RALYL: variants seen among roughly 807,000 people sequenced by gnomAD.
RALYL encodes the protein RNA-binding Raly-like protein.
In RALYL, 29 loss-of-function variants were observed where a neutral mutation model predicts 35.1. The ratio of observed to expected loss-of-function variants is 0.83; its 90% confidence interval spans 0.61 to 1.13. The LOEUF is 1.13. RALYL is among the 50% of genes most tolerant of loss of function. RALYL has a pLI of 0.00. For synonymous variants in RALYL, 120 were observed against 127.6 expected, an observed-to-expected ratio of 0.94 and a Z score of 0.40; for missense variants, 359 against 360.4, an observed-to-expected ratio of 1.00 and a Z score of 0.03.
At chr8:84,605,444 G>C (rs898566825) in intron 2 of RALYL, among the ~76,000 whole-genome samples, 10 of 152,090 alleles carry the variant, frequency 6.6e-5, no homozygotes, top group South Asian at 2.1e-4. Flanking sequence ...ACCACCACCA[G>C]CAGCAGATTC....
chr8:84,875,813 G>C (rs1266069149), intron 7 of RALYL, among the ~76,000 whole-genome samples: 1 of 152,054 alleles, frequency 6.6e-6, no homozygotes, highest in Non-Finnish European at 1.5e-5. Context: ...TCATTACAAT[G>C]CTTAATTAGT....
chr8:84,497,895 C>G (rs2056237454), intron 1 of RALYL, among the ~76,000 whole-genome samples: 1 of 151,496 alleles, frequency 6.6e-6, no homozygotes, highest in Admixed American at 6.6e-5. Context: ...CTCACCTCAG[C>G]CTGCCAAAGT....
intron 3 of RALYL, among the ~76,000 whole-genome samples, chr8:84,801,236 C>CAGA (rs947946797): frequency 1.1e-4 from 16 of 152,138 alleles, no homozygotes; most frequent in Non-Finnish European, 2.2e-4. Flanking sequence ...TATTTCACCA[C>CAGA]AGAAGACACT....
At chr8:84,256,363 C>CCTAG (rs5892908) in intron 1 of RALYL, among the ~76,000 whole-genome samples, 2 of 151,496 alleles carry the variant, frequency 1.3e-5, no homozygotes, top group Non-Finnish European at 2.9e-5. Flanking sequence ...TATTTTGCTA[C>CCTAG]CTATTTTCAT....
At chr8:84,207,685 T>C (rs1398520226) in intron 1 of RALYL, among the ~76,000 whole-genome samples, 1 of 151,920 alleles carries the variant, frequency 6.6e-6, no homozygotes, top group East Asian at 1.9e-4. Context: ...TATCAGATAC[T>C]TGAAATTTGC....
At chr8:84,696,630 T>C (rs1010986137) in intron 2 of RALYL, among the ~76,000 whole-genome samples, 3 of 151,976 alleles carry the variant, frequency 2.0e-5, no homozygotes, top group Admixed American at 2.0e-4. Flanking sequence ...TAATACAAGA[T>C]TTTGTGTTTG....
chr8:84,218,781 G>A (rs552233611), intron 1 of RALYL, among the ~76,000 whole-genome samples: 16 of 152,116 alleles, frequency 1.1e-4, no homozygotes, highest in African/African-American at 3.9e-4. Flanking sequence ...AGCCCTGAGG[G>A]CATATGATAA....
intron 1 of RALYL, among the ~76,000 whole-genome samples, chr8:84,451,720 C>T (rs1055703680): frequency 6.6e-6 from 1 of 151,906 alleles, no homozygotes; most frequent in East Asian, 1.9e-4. Flanking sequence ...GTTTTGCCAT[C>T]CCTAACAGAT....
At chr8:84,712,323 A>G (rs1187962199) in intron 2 of RALYL, among the ~76,000 whole-genome samples, 1 of 152,146 alleles carries the variant, frequency 6.6e-6, no homozygotes, top group African/African-American at 2.4e-5. Flanking sequence ...AGGCTGACTG[A>G]TAACACCCCG....
intron 1 of RALYL, among the ~76,000 whole-genome samples, chr8:84,469,411 G>T (rs2133636622): frequency 6.6e-6 from 1 of 152,290 alleles, no homozygotes. Flanking sequence ...CGTGTGAGGT[G>T]TCAGTGTGCC....
intron 2 of RALYL, chr8:84,706,130 C>A: frequency 7.4e-7 from 1 of 1,354,800 alleles, no homozygotes; most frequent in Non-Finnish European, 1.0e-6. Flanking sequence ...TCTTAAAAGA[C>A]TAATCATGAC....
At chr8:84,467,442 G>C (rs1434506162) in intron 1 of RALYL, among the ~76,000 whole-genome samples, 1 of 130,976 alleles carries the variant, frequency 7.6e-6, no homozygotes, top group Non-Finnish European at 1.7e-5. Flanking sequence ...TTTCCATGTA[G>C]TTGAGCAGCT....
At chr8:84,415,393 C>T (rs967663156) in intron 1 of RALYL, among the ~76,000 whole-genome samples, 53 of 152,062 alleles carry the variant, frequency 3.5e-4, no homozygotes, top group African/African-American at 9.9e-4. Flanking sequence ...GCGCCTGCCA[C>T]GACGCTTGGC....
chr8:84,433,834 T>C (rs1372298765), intron 1 of RALYL, among the ~76,000 whole-genome samples: 1 of 107,664 alleles, frequency 9.3e-6, no homozygotes, highest in Non-Finnish European at 1.8e-5. Context: ...TGTGTGTGTA[T>C]GTGTGTGTGT....
intron 1 of RALYL, among the ~76,000 whole-genome samples, chr8:84,221,136 G>T (rs1822101638): frequency 6.6e-6 from 1 of 151,888 alleles, no homozygotes; most frequent in Non-Finnish European, 1.5e-5. Context: ...CCTTAGTTTT[G>T]CTTCAGCTAT....
chr8:84,372,055 A>G (rs1855836325), intron 1 of RALYL, among the ~76,000 whole-genome samples: 1 of 152,116 alleles, frequency 6.6e-6, no homozygotes, highest in African/African-American at 2.4e-5. Flanking sequence ...AAAATGCTTT[A>G]GAGTGCTTGG....
At chr8:84,435,895 G>A (rs898899888) in intron 1 of RALYL, among the ~76,000 whole-genome samples, 5 of 152,112 alleles carry the variant, frequency 3.3e-5, no homozygotes, top group African/African-American at 1.2e-4. Context: ...TGGAGATGCA[G>A]GATTGGATAG....
chr8:84,198,672 G>A (rs571183283), intron 1 of RALYL, among the ~76,000 whole-genome samples: 2 of 152,142 alleles, frequency 1.3e-5, no homozygotes, highest in South Asian at 4.1e-4. Flanking sequence ...CCAGCCTTTA[G>A]TAATCATGCT....
intron 1 of RALYL, among the ~76,000 whole-genome samples, chr8:84,300,164 G>A (rs1840501359): frequency 6.6e-6 from 1 of 151,752 alleles, no homozygotes; most frequent in Non-Finnish European, 1.5e-5. Context: ...TTCACAGAAT[G>A]TCTTGATTTC....
Sources: gnomAD v4.1 joint callset for allele counts (sites outside exome capture counted in the v4.1 genomes callset) on GRCh38, gnomAD v4.1.1 for gene constraint, MANE v1.5 for transcripts, NCBI Gene and HGNC (gene_info 2026-07-23, HGNC 2026-07-21) for gene names.